HDAC9: variants seen among roughly 807,000 people sequenced by gnomAD.
HDAC9 encodes the protein histone deacetylase 9.
Under a neutral mutation model 139.4 loss-of-function variants are expected in HDAC9, and 41 were observed. The observed-to-expected ratio is 0.29, with a 90% confidence interval of 0.23 to 0.38. HDAC9 has a LOEUF of 0.38. HDAC9 is among the 10% of genes least tolerant of loss of function. The pLI is 1.00. For missense variants in HDAC9, 1,147 were observed against 1,297.0 expected (o/e 0.88, Z 1.78); for synonymous variants, 517 against 476.2 (o/e 1.09, Z -1.12).
chr7:18,968,607 A>G lies in HDAC9; in HGVS notation c.3023-7199A>G, dbSNP rs147507347. 2.5e-3 allele frequency among the ~76,000 whole-genome samples: 385 copies of G among 152,298 alleles called. 4 individuals are homozygous for G. Among genetic ancestry groups the G allele is most frequent in the African/African-American group, 8.7e-3 (361 of 41,584 alleles). On this transcript the variant is annotated intron_variant, in intron 24 of 25. Transcript: ENST00000686413. ...TTTCCAGGCTGCAGCATAGAGAAGA[A>G]GAACCCAAATAGGGTCCAGTGGTAT...
chr7:18,759,438 C>T (rs1232249664), intron 14 of HDAC9, among the ~76,000 whole-genome samples: 2 of 151,856 alleles, frequency 1.3e-5, no homozygotes, highest in African/African-American at 4.8e-5. Context: ...CTAGGTTGAG[C>T]GCTCCTTATG....
chr7:18,960,749 A>T (rs980644990), intron 24 of HDAC9, among the ~76,000 whole-genome samples: 1 of 152,150 alleles, frequency 6.6e-6, no homozygotes, highest in African/African-American at 2.4e-5. Context: ...GTCTTCTTTT[A>T]TCTGAAATAC....
At chr7:18,799,274 A>G (rs1268540067) in intron 17 of HDAC9, among the ~76,000 whole-genome samples, 2 of 152,332 alleles carry the variant, frequency 1.3e-5, no homozygotes, top group East Asian at 3.9e-4. Context: ...CGATAACAAA[A>G]AGGAACAACA....
intron 7 of HDAC9, among the ~76,000 whole-genome samples, chr7:18,631,950 GATT>G (rs774993607): frequency 1.4e-4 from 22 of 151,904 alleles, no homozygotes; most frequent in Admixed American, 3.3e-4. Context: ...TTATCACAGT[GATT>G]TCTACATAAG....
intron 6 of HDAC9, among the ~76,000 whole-genome samples, chr7:18,600,058 G>C (rs553563609): frequency 6.6e-6 from 1 of 151,980 alleles, no homozygotes; most frequent in Admixed American, 6.6e-5. Flanking sequence ...CTAATGACAA[G>C]TGGTGCCAAG....
chr7:18,866,157 C>G (rs1798480749), intron 21 of HDAC9, among the ~76,000 whole-genome samples: 1 of 150,272 alleles, frequency 6.7e-6, no homozygotes. Flanking sequence ...TCCTTTCATT[C>G]ACTTTGTGTG....
At chr7:18,556,209 G>A (rs1018454211) in intron 2 of HDAC9, among the ~76,000 whole-genome samples, 1 of 151,910 alleles carries the variant, frequency 6.6e-6, no homozygotes, top group African/African-American at 2.4e-5. Context: ...GTTGGGAGGG[G>A]TTTATATTGT....
intron 16 of HDAC9, among the ~76,000 whole-genome samples, chr7:18,774,544 A>T (rs764749595): frequency 2.6e-5 from 4 of 152,078 alleles, no homozygotes; most frequent in Non-Finnish European, 4.4e-5. Context: ...TTACAGTAGC[A>T]TTATATCTTT....
At chr7:18,433,467 A>T (rs1177232102) in intron 1 of HDAC9, among the ~76,000 whole-genome samples, 2 of 152,222 alleles carry the variant, frequency 1.3e-5, no homozygotes, top group African/African-American at 4.8e-5. Flanking sequence ...CTGTTTGTAG[A>T]CAATATGATT....
At chr7:18,667,746 C>A in intron 12 of HDAC9, 1 of 983,784 alleles carries the variant, frequency 1.0e-6, no homozygotes, top group South Asian at 4.7e-5. Flanking sequence ...TTTTAAAGGG[C>A]ACTCTATGAA....
intron 1 of HDAC9, among the ~76,000 whole-genome samples, chr7:18,381,232 AAAAG>A (rs1344336682): frequency 6.6e-6 from 1 of 150,838 alleles, no homozygotes; most frequent in Non-Finnish European, 1.5e-5. Flanking sequence ...GAAAAGAAAA[AAAAG>A]AAAAATAAAA....
chr7:18,496,868 T>G (rs1797077529), intron 2 of HDAC9: 1 of 152,262 alleles, frequency 6.6e-6, no homozygotes, highest in Admixed American at 6.5e-5. Context: ...AATGAAACTG[T>G]TTAGGATGAA....
At chr7:18,953,919 T>C (rs1782973788) in intron 23 of HDAC9, among the ~76,000 whole-genome samples, 1 of 152,078 alleles carries the variant, frequency 6.6e-6, no homozygotes, top group African/African-American at 2.4e-5. Flanking sequence ...AGGGACTTCA[T>C]AGATTAGTCT....
intron 2 of HDAC9, among the ~76,000 whole-genome samples, chr7:18,217,491 A>G (rs1452860227): frequency 6.6e-6 from 1 of 151,460 alleles, no homozygotes; most frequent in East Asian, 1.9e-4. Flanking sequence ...TAGCTTTCTT[A>G]TTTTCTCTTA....
At chr7:18,262,522 C>T (rs1454232354) in intron 2 of HDAC9, among the ~76,000 whole-genome samples, 1 of 152,110 alleles carries the variant, frequency 6.6e-6, no homozygotes, top group Middle Eastern at 3.2e-3. Context: ...GGTATTAGAT[C>T]ACAATTCAAA....
chr7:18,147,427 C>G (rs1786421540), intron 1 of HDAC9, among the ~76,000 whole-genome samples: 1 of 152,126 alleles, frequency 6.6e-6, no homozygotes, highest in Non-Finnish European at 1.5e-5. Context: ...AATAGGGATA[C>G]TTTCTTGGGT....
chr7:18,741,405 C>T (rs1166610453), intron 13 of HDAC9, among the ~76,000 whole-genome samples: 1 of 152,116 alleles, frequency 6.6e-6, no homozygotes, highest in East Asian at 1.9e-4. Context: ...TAAATGGAAC[C>T]ACAAAGCCTG....
At chr7:18,327,704 C>A (rs927688238) in intron 1 of HDAC9, 1 of 151,706 alleles carries the variant, frequency 6.6e-6, no homozygotes, top group Non-Finnish European at 1.5e-5. Context: ...AGTTGAAGAG[C>A]CTATACCAAC....
At chr7:18,337,512 A>G (rs1273877031) in intron 1 of HDAC9, among the ~76,000 whole-genome samples, 1 of 151,722 alleles carries the variant, frequency 6.6e-6, no homozygotes, top group East Asian at 1.9e-4. Context: ...CATGTAATGA[A>G]TGTTTTTTAC....
Sources: gnomAD v4.1 joint callset for allele counts (sites outside exome capture counted in the v4.1 genomes callset) on GRCh38, gnomAD v4.1.1 for gene constraint, MANE v1.5 for transcripts, NCBI Gene and HGNC (gene_info 2026-07-23, HGNC 2026-07-21) for gene names.